HPSE2: variants seen among roughly 807,000 people sequenced by gnomAD.
The protein encoded by HPSE2 is heparanase 2 (inactive), also known as inactive heparanase-2.
A neutral mutation model predicts 60.5 loss-of-function variants in HPSE2; 38 were observed. That is an observed-to-expected ratio of 0.63 (90% confidence interval 0.48 to 0.82). The LOEUF (loss-of-function observed/expected upper bound fraction) is 0.82, where lower values mean the gene tolerates loss of function less well. Among genes scored for constraint, HPSE2 ranks in the 40% least tolerant of loss-of-function variants. HPSE2 has a pLI of 0.00. For missense variants in HPSE2, 713 were observed against 740.4 expected (o/e 0.96, Z 0.43); for synonymous variants, 295 against 293.2 (o/e 1.01, Z -0.06).
intron 2 of HPSE2, among the ~76,000 whole-genome samples, chr10:99,158,974 GT>G (rs1176857580): frequency 6.6e-6 from 1 of 152,072 alleles, no homozygotes; most frequent in African/African-American, 2.4e-5. Context: ...GTCAGATTGA[GT>G]TTCAAAAGAT....
chr10:98,773,036 C>A (rs1355800194), intron 3 of HPSE2, among the ~76,000 whole-genome samples: 1 of 152,174 alleles, frequency 6.6e-6, no homozygotes, highest in Admixed American at 6.5e-5. Flanking sequence ...TTCTACTTCA[C>A]TTGCCCTCCA....
chr10:98,969,828 G>A (rs565744850), intron 3 of HPSE2, among the ~76,000 whole-genome samples: 3 of 152,296 alleles, frequency 2.0e-5, no homozygotes, highest in East Asian at 3.9e-4. Context: ...GTAGGCTGTA[G>A]AGGAAGCATG....
chr10:99,305,797 A>G, the HPSE2 span, among the ~76,000 whole-genome samples: 1 of 152,096 alleles, frequency 6.6e-6, no homozygotes, highest in East Asian at 1.9e-4. Context: ...ACAAAATTTC[A>G]ACAGAGAAAT....
intron 9 of HPSE2, among the ~76,000 whole-genome samples, chr10:98,602,734 T>C (rs907710914): frequency 1.3e-5 from 2 of 152,150 alleles, no homozygotes; most frequent in Non-Finnish European, 2.9e-5. Flanking sequence ...ACAAATGGTA[T>C]TGGGACAACT....
intron 3 of HPSE2, among the ~76,000 whole-genome samples, chr10:98,866,033 T>C (rs568073629): frequency 6.6e-6 from 1 of 152,220 alleles, no homozygotes; most frequent in African/African-American, 2.4e-5. Context: ...TTACTTAGTA[T>C]GCAAAGAGTC....
chr10:98,679,503 G>A (rs1046142736), intron 6 of HPSE2, among the ~76,000 whole-genome samples: 63 of 151,990 alleles, frequency 4.1e-4, no homozygotes, highest in Non-Finnish European at 7.9e-4. Context: ...TGGAGTATAT[G>A]TATATATGTT....
intron 4 of HPSE2, among the ~76,000 whole-genome samples, chr10:98,724,513 A>G (rs200431817): frequency 1.1e-4 from 17 of 152,022 alleles, no homozygotes; most frequent in Admixed American, 2.0e-4. Flanking sequence ...CAATTCCTGG[A>G]TATCCTTGTT....
At chr10:99,084,444 G>A (rs993765526) in intron 3 of HPSE2, among the ~76,000 whole-genome samples, 6 of 152,104 alleles carry the variant, frequency 3.9e-5, no homozygotes, top group Admixed American at 3.3e-4. Context: ...TTTGTTCCCA[G>A]GTAGGTCAAA....
intron 3 of HPSE2, among the ~76,000 whole-genome samples, chr10:99,117,704 T>G (rs1315367354): frequency 6.6e-6 from 1 of 152,116 alleles, no homozygotes. Flanking sequence ...TAATGAGCTC[T>G]GAAATTGAAA....
intron 3 of HPSE2, among the ~76,000 whole-genome samples, chr10:99,143,282 C>T (rs577177134): frequency 1.3e-5 from 2 of 152,146 alleles, no homozygotes; most frequent in Non-Finnish European, 2.9e-5. Flanking sequence ...GAGTCCTGTG[C>T]TTTTCTAAAA....
At chr10:98,984,982 G>A (rs1222955228) in intron 3 of HPSE2, among the ~76,000 whole-genome samples, 1 of 152,300 alleles carries the variant, frequency 6.6e-6, no homozygotes, top group East Asian at 1.9e-4. Context: ...CAAGAAATAT[G>A]GGACTATGTG....
At chr10:98,967,157 C>T (rs1955834113) in intron 3 of HPSE2, among the ~76,000 whole-genome samples, 1 of 152,088 alleles carries the variant, frequency 6.6e-6, no homozygotes, top group Non-Finnish European at 1.5e-5. Context: ...AAGACTTAAG[C>T]TCAAAAAGCT....
intron 9 of HPSE2, among the ~76,000 whole-genome samples, chr10:98,589,206 G>T (rs1388686290): frequency 2.0e-5 from 3 of 152,198 alleles, no homozygotes; most frequent in Admixed American, 6.5e-5. Context: ...ACAATCCCAT[G>T]CATTGTATAA....
At chr10:98,572,961 G>A (rs779126862) in intron 9 of HPSE2, among the ~76,000 whole-genome samples, 4 of 152,196 alleles carry the variant, frequency 2.6e-5, no homozygotes, top group Non-Finnish European at 5.9e-5. Flanking sequence ...ATCGACTATG[G>A]TTCCTGACCT....
chr10:98,830,037 G>A (rs1951647459), intron 3 of HPSE2, among the ~76,000 whole-genome samples: 1 of 152,036 alleles, frequency 6.6e-6, no homozygotes, highest in Admixed American at 6.6e-5. Flanking sequence ...GTTCACTAAT[G>A]GGGATTTTTA....
intron 3 of HPSE2, among the ~76,000 whole-genome samples, chr10:99,100,592 T>C (rs1180824668): frequency 6.6e-6 from 1 of 152,062 alleles, no homozygotes; most frequent in East Asian, 1.9e-4. Flanking sequence ...AGGAGAACTT[T>C]CCCAATCTAG....
At chr10:98,753,284 CG>C (rs1394660612) in intron 3 of HPSE2, among the ~76,000 whole-genome samples, 3 of 152,080 alleles carry the variant, frequency 2.0e-5, no homozygotes, top group Non-Finnish European at 4.4e-5. Flanking sequence ...GAAATTGGAA[CG>C]CTTTGCATTG....
At chr10:98,615,741 C>T (rs1945888856) in intron 8 of HPSE2, among the ~76,000 whole-genome samples, 1 of 152,198 alleles carries the variant, frequency 6.6e-6, no homozygotes, top group Non-Finnish European at 1.5e-5. Context: ...GCTAACTCTG[C>T]CTTCATTATT....
chr10:98,800,283 C>T (rs1327077957), intron 3 of HPSE2, among the ~76,000 whole-genome samples: 2 of 151,766 alleles, frequency 1.3e-5, no homozygotes, highest in Non-Finnish European at 2.9e-5. Context: ...TTGGGAGGCT[C>T]TCTTGATCCC....
Sources: gnomAD v4.1 joint callset for allele counts (sites outside exome capture counted in the v4.1 genomes callset) on GRCh38, gnomAD v4.1.1 for gene constraint, MANE v1.5 for transcripts, NCBI Gene and HGNC (gene_info 2026-07-23, HGNC 2026-07-21) for gene names.